The following SARS1 variants were observed in gnomAD, a reference collection of about 807,000 sequenced individuals.
SARS1 encodes the protein serine--tRNA ligase, cytoplasmic.
In SARS1, 25 loss-of-function variants were observed where a neutral mutation model predicts 63.7. The ratio of observed to expected loss-of-function variants is 0.39; its 90% CI spans 0.29 to 0.55. The LOEUF (loss-of-function observed/expected upper bound fraction) is 0.55. Ranked by LOEUF, SARS1 falls within the 20% of genes least tolerant of loss-of-function variation. The probability of loss-of-function intolerance (pLI) is 0.62; values close to 1 mark genes in which losing one functional copy is unlikely to be tolerated. For missense variants in SARS1, 417 were observed against 649.7 expected (o/e 0.64, Z 3.89); for synonymous variants, 231 against 243.5 (o/e 0.95, Z 0.48).
intron 9 of SARS1, 129 bp downstream of exon 9, chr1:109,236,677 A>G: frequency 6.7e-7 from 1 of 1,489,378 alleles, no homozygotes; most frequent in Middle Eastern, 1.9e-4. Context: ...TCTAGACCAA[A>G]AAGGGAATCT....
chr1:109,237,483 T>A lies in SARS1; in HGVS notation c.1387+110T>A, dbSNP rs892496472. On this transcript the variant is annotated intron_variant, in intron 10 of 10. Transcript: ENST00000234677. This position sits in a 1 kb window ranked among gnomAD's most constrained non-coding sequence, Gnocchi z 4.1. ...GGTTTTTTTGTTCAGACACAGCCCC[T>A]GAAACTCTGTCTGCCCTCTCGGGCT... is the stretch of plus-strand genomic sequence containing the variant. 2.0e-6 allele frequency: 3 copies of A among 1,494,914 alleles called. No individual in the cohort carries two copies. The African/African-American group carries it at 4.2e-5, about 21-fold the overall frequency. The allele number at this position is 1,494,914 out of a possible 1,614,324, so 92.6% of individuals were successfully genotyped here.
rs1455582808 is a variant in SARS1 at position 109,237,336 on chromosome 1, C to T, written c.1350C>T (p.Ile450=). 2.5e-6 allele frequency: 4 copies of T among 1,614,132 alleles called. No individual in the cohort carries two copies. Among genetic ancestry groups the T allele is most frequent in the Non-Finnish European group, 3.4e-6 (4 of 1,180,052 alleles). The change falls in exon 10 of 11, where the codon ATC becomes ATT. Residue 450 remains isoleucine, a synonymous_variant. Coordinates refer to ENST00000234677, the MANE Select transcript of SARS1 (RefSeq NM_006513.4). The surrounding 1 kb of genome is among the most constrained non-coding windows in gnomAD (Gnocchi z 4.1). ...AGAACTACCAGACAGAGAAGGGCATCACTGTGCCTGAGAAATTGAAGGAGT... is the reference window on the plus strand; with the variant it reads ...AGAACTACCAGACAGAGAAGGGCATTACTGTGCCTGAGAAATTGAAGGAGT... ...ILENYQTEKG[I]TVPEKLKEFM...
intron 1 of SARS1, among the ~76,000 whole-genome samples, chr1:109,220,767 A>G (rs1444069757): frequency 6.6e-6 from 1 of 152,158 alleles, no homozygotes; most frequent in African/African-American, 2.4e-5. Flanking sequence ...CCAAAACACA[A>G]TAGATAAATC....
Position 109,235,712 on chromosome 1 carries a change from G to A in SARS1, c.970-265G>A, listed in dbSNP as rs1288823642. Among the ~76,000 whole-genome samples the A allele has an allele frequency of 2.6e-5, 4 of 152,188 alleles. No homozygotes were observed. The highest frequency in any genetic ancestry group is 5.9e-5 in the Non-Finnish European group (4 of 68,028). Reference sequence around the variant, plus strand: ...GTATGAGGAGGATAACAGTAACAGTGCCTGCCTCACCAGGCCTATTGTGGC... The same window carrying A: ...GTATGAGGAGGATAACAGTAACAGTACCTGCCTCACCAGGCCTATTGTGGC... On this transcript the variant is annotated intron_variant, in intron 7 of 10. Coordinates refer to ENST00000234677, the MANE Select transcript of SARS1 (RefSeq NM_006513.4). This position sits in a 1 kb window ranked among gnomAD's most constrained non-coding sequence, Gnocchi z 4.7.
chr1:109,222,593 G>A (rs1654974319), intron 1 of SARS1, among the ~76,000 whole-genome samples: 1 of 152,208 alleles, frequency 6.6e-6, no homozygotes, highest in African/African-American at 2.4e-5. Flanking sequence ...TGAGAAAATA[G>A]TGATATCATT....
intron 1 of SARS1, among the ~76,000 whole-genome samples, chr1:109,223,621 T>C (rs1655005189): frequency 6.6e-6 from 1 of 152,092 alleles, no homozygotes; most frequent in South Asian, 2.1e-4. Context: ...CTGGCCAACA[T>C]GGTGAAACCC....
At chr1:109,216,770 A>T (rs750655689) in intron 1 of SARS1, 3 of 431,202 alleles carry the variant, frequency 7.0e-6, no homozygotes, top group African/African-American at 6.5e-5. Flanking sequence ...TACAGGCGCA[A>T]TGCCACCATG....
chr1:109,229,562 G>A lies in SARS1; in HGVS notation c.437G>A (p.Ser146Asn). Residue 146 changes from serine to asparagine, a missense_variant, in exon 4 of 11, where the codon AGT becomes AAT. By Grantham distance (46) the Ser-to-Asn change is conservative (BLOSUM62 1). Coordinates refer to ENST00000234677, the MANE Select transcript of SARS1 (RefSeq NM_006513.4). ...GNLLHPSVPISNDEDVDNKVE... is the reference protein window; with the variant it reads ...GNLLHPSVPINNDEDVDNKVE... ...CTTCTGCACCCTTCTGTACCCATCA[G>A]TAACGATGAGGTAGGTGGCTGTGCC... The A allele has an allele frequency of 6.2e-7, 1 of 1,611,314 alleles. No homozygotes were observed.
intron 6 of SARS1, 116 bp downstream of exon 6, chr1:109,231,902 C>A: frequency 2.3e-6 from 2 of 879,810 alleles, no homozygotes; most frequent in Non-Finnish European, 3.1e-6. Flanking sequence ...CGTTCTCTCT[C>A]TGTGACTCTT....
Position 109,238,130 on chromosome 1 carries a change from C to T in SARS1, c.*242C>T. 1.9e-6 allele frequency: 1 copy of T among 514,638 alleles called. No homozygotes were observed. Among genetic ancestry groups the T allele is most frequent in the East Asian group, 3.1e-5 (1 of 32,486 alleles). The allele number at this position is 514,638 out of a possible 1,614,324, so 31.9% of individuals were successfully genotyped here. ...GCATCTCTGGGGAGGGCTTAGGACT[C>T]TTCCTCAGTCTTCTTCCCCGGGCTT... On this transcript the variant is annotated 3_prime_UTR_variant, in exon 11 of 11. Transcript: ENST00000234677.
At chr1:109,215,906 G>A in intron 1 of SARS1, 1 of 450,314 alleles carries the variant, frequency 2.2e-6, no homozygotes, top group Non-Finnish European at 2.9e-6. Context: ...GTTTCACCAT[G>A]TTGGCCAGGC....
At chr1:109,226,734 ATATATTTATTTATTTATT>A (rs1655098529) in intron 2 of SARS1, among the ~76,000 whole-genome samples, 1 of 69,828 alleles carries the variant, frequency 1.4e-5, no homozygotes, top group African/African-American at 3.7e-5. Context: ...ACACATATAT[ATATATTTATTTATTTATT>A]TATTTATTTA....
At chr1:109,215,589 G>A (rs1654765628) in intron 1 of SARS1, 3 of 984,496 alleles carry the variant, frequency 3.0e-6, no homozygotes, top group Non-Finnish European at 2.4e-6. Flanking sequence ...TGTTAGAGGC[G>A]TGAATATTTT....
At chr1:109,224,532 T>C (rs1313728348) in intron 2 of SARS1, among the ~76,000 whole-genome samples, 1 of 152,180 alleles carries the variant, frequency 6.6e-6, no homozygotes, top group East Asian at 1.9e-4. Flanking sequence ...AACTTTTTTT[T>C]TTTAATTTAA....
intron 6 of SARS1, among the ~76,000 whole-genome samples, chr1:109,234,704 G>A (rs1364643987): frequency 2.6e-5 from 4 of 152,208 alleles, no homozygotes; most frequent in East Asian, 1.9e-4. Flanking sequence ...AGTGGCTCAC[G>A]CCTGTAACCC....
At chr1:109,229,273 T>TA in intron 3 of SARS1, 141 bp from the exon 4 acceptor site, 1 of 806,088 alleles carries the variant, frequency 1.2e-6, no homozygotes. Flanking sequence ...TCTCAGTTCT[T>TA]AAAAGTCTTC....
At position 109,214,738 on chromosome 1, in the gene SARS1, A is replaced by G. The variant is rs1340793205; in HGVS notation, c.136+610A>G. 3 of 985,500 alleles carry G rather than the reference A, an allele frequency of 3.0e-6. No individual in the cohort carries two copies. The East Asian group carries it at 3.4e-4, about 112-fold the overall frequency. The allele number at this position is 985,500 out of a possible 1,614,324, so 61.0% of individuals were successfully genotyped here. A position where few individuals can be genotyped will look rare whatever the true frequency, so the allele number is the denominator to read the frequency against. On this transcript the variant is annotated intron_variant, in intron 1 of 10. Coordinates refer to ENST00000234677, the MANE Select transcript of SARS1 (RefSeq NM_006513.4). The surrounding 1 kb of genome is among the most constrained non-coding windows in gnomAD (Gnocchi z 4.6). Reference sequence around the variant, plus strand: ...AGAAAAGTCTTTTCCGTGGTAGATCAAACGCGAGGGGAGTGAGGAGGCGAG... The same window carrying G: ...AGAAAAGTCTTTTCCGTGGTAGATCGAACGCGAGGGGAGTGAGGAGGCGAG...
rs761325663 is a variant in SARS1, at chr1:109,214,041, G to A, written c.49G>A (p.Ala17Thr). 6.2e-7 allele frequency: 1 copy of A among 1,614,170 alleles called. No homozygotes were observed. Among genetic ancestry groups the A allele is most frequent in the Non-Finnish European group, 8.5e-7 (1 of 1,180,008 alleles). ...LFRVDKGGDP[A>T]LIRETQEKRF... ...TCGGGTGGATAAAGGAGGGGACCCA[G>A]CCCTCATCCGAGAGACGCAGGAGAA... Residue 17 changes from alanine to threonine, a missense_variant, in exon 1 of 11, where the codon GCC (alanine) becomes ACC (threonine). This residue lies in a region of SARS1 where 359 missense variants were observed against 529.6 expected (regional missense o/e 0.68). Coordinates refer to ENST00000234677, the MANE Select transcript of SARS1 (RefSeq NM_006513.4). This position sits in a 1 kb window ranked among gnomAD's most constrained non-coding sequence, Gnocchi z 4.6.
intron 8 of SARS1, 118 bp from the exon 9 acceptor site, chr1:109,236,272 TG>T: frequency 1.5e-6 from 2 of 1,299,918 alleles, no homozygotes; most frequent in Non-Finnish European, 2.1e-6. Context: ...TAAGAATATC[TG>T]GGTGTGATTT....
Sources: allele counts gnomAD v4.1 joint callset (sites outside exome capture counted in the v4.1 genomes callset), GRCh38; gene constraint gnomAD v4.1.1; regional missense constraint gnomAD v4.1.1; non-coding constraint Gnocchi (gnomAD v3.1); transcripts MANE v1.5; gene names NCBI Gene and HGNC (gene_info 2026-07-23, HGNC 2026-07-21).